SH3RF3: variants seen among roughly 807,000 people sequenced by gnomAD.
SH3RF3 encodes E3 ubiquitin-protein ligase SH3RF3.
SH3RF3 carries 29 observed loss-of-function variants against 66.3 expected under a neutral mutation model. The observed-to-expected ratio is 0.44, with a 90% CI of 0.33 to 0.60. The LOEUF is 0.60. Ranked by LOEUF, SH3RF3 falls within the 20% of genes least tolerant of loss-of-function variation. The probability of loss-of-function intolerance (pLI) is 0.04; values close to 1 mark genes in which losing one functional copy is unlikely to be tolerated. For missense variants in SH3RF3, 1,194 were observed against 1,190.9 expected, an observed-to-expected ratio of 1.00 and a Z score of -0.04; for synonymous variants, 583 against 532.0, an observed-to-expected ratio of 1.10 and a Z score of -1.32.
chr2:109,449,559 T>C, intron 8 of SH3RF3, 70 bp downstream of exon 8: 2 of 1,532,316 alleles, frequency 1.3e-6, no homozygotes, highest in Non-Finnish European at 1.8e-6. Flanking sequence ...TGGCACTAGA[T>C]GGCAGTGGCA....
At chr2:109,274,462 A>G (rs1350850021) in intron 1 of SH3RF3, among the ~76,000 whole-genome samples, 1 of 152,238 alleles carries the variant, frequency 6.6e-6, no homozygotes, top group Non-Finnish European at 1.5e-5. Context: ...ATCAAAGGAA[A>G]TGAAATTGTC....
At chr2:109,232,026 C>T (rs1035032979) in intron 1 of SH3RF3, among the ~76,000 whole-genome samples, 11 of 152,128 alleles carry the variant, frequency 7.2e-5, no homozygotes, top group Admixed American at 4.6e-4. Context: ...TTTATTTATC[C>T]GTTCATTAGA....
At chr2:109,413,842 C>T (rs11691186) in intron 4 of SH3RF3, among the ~76,000 whole-genome samples, 74,229 of 152,132 alleles carry the variant, frequency 0.49, 18,415 homozygotes, top group Middle Eastern at 0.56. Context: ...AGGGCTTTCC[C>T]TGCAGGGAGC....
At chr2:109,376,370 C>T (rs1439362433) in intron 3 of SH3RF3, among the ~76,000 whole-genome samples, 1 of 152,140 alleles carries the variant, frequency 6.6e-6, no homozygotes, top group Non-Finnish European at 1.5e-5. Flanking sequence ...GGAATCAGCT[C>T]GGGTTGGAGA....
intron 7 of SH3RF3, among the ~76,000 whole-genome samples, chr2:109,445,563 G>A (rs1350687303): frequency 6.6e-6 from 1 of 152,162 alleles, no homozygotes; most frequent in Non-Finnish European, 1.5e-5. Context: ...AGAGGACAAG[G>A]TATAGAAGGA....
At position 109,504,239 on chromosome 2, in the gene SH3RF3, C is replaced by T. The variant is rs1198469610; in HGVS notation, c.*2568C>T. 1.3e-5 allele frequency: 2 copies of T among 152,226 alleles called. No individual in the cohort carries two copies. Among genetic ancestry groups the T allele is most frequent in the African/African-American group, 4.8e-5 (2 of 41,432 alleles). 9.4% of individuals were successfully genotyped at this position (152,226 alleles called of 1,614,324 possible). The stretch of plus-strand genomic sequence containing the variant: ...TGTTTCATCCTGGCCCCATGATGTA[C>T]ACATCTTAGCCATGTAGTGGCCTTG... On this transcript the variant is annotated 3_prime_UTR_variant, in exon 10 of 10. Coordinates refer to ENST00000309415, the MANE Select transcript of SH3RF3 (RefSeq NM_001099289.3).
intron 1 of SH3RF3, among the ~76,000 whole-genome samples, chr2:109,287,744 C>T (rs936661558): frequency 6.6e-6 from 1 of 152,204 alleles, no homozygotes; most frequent in Non-Finnish European, 1.5e-5. Flanking sequence ...TCTCTGTGGC[C>T]TCTGCAGAGC....
chr2:109,216,823 A>G (rs1679110991), intron 1 of SH3RF3, among the ~76,000 whole-genome samples: 1 of 152,232 alleles, frequency 6.6e-6, no homozygotes, highest in Non-Finnish European at 1.5e-5. Context: ...AGCCATTTGT[A>G]AGCAAACAGT....
At chr2:109,158,827 C>T (rs1307611555) in intron 1 of SH3RF3, among the ~76,000 whole-genome samples, 2 of 152,204 alleles carry the variant, frequency 1.3e-5, no homozygotes, top group Non-Finnish European at 2.9e-5. Flanking sequence ...GGTCTACATG[C>T]TTTATGTGTA....
chr2:109,403,862 G>A (rs1022398566), intron 4 of SH3RF3, among the ~76,000 whole-genome samples: 2 of 152,238 alleles, frequency 1.3e-5, no homozygotes, highest in Non-Finnish European at 2.9e-5. Context: ...CCTGTCTGTG[G>A]AATGGAGCCA....
intron 1 of SH3RF3, among the ~76,000 whole-genome samples, chr2:109,152,000 C>T (rs1002338650): frequency 2.0e-5 from 3 of 152,084 alleles, no homozygotes; most frequent in Non-Finnish European, 4.4e-5. Context: ...TTTTTCATAC[C>T]CAGCTGATTA....
chr2:109,386,440 G>T (rs1480539965), intron 3 of SH3RF3, among the ~76,000 whole-genome samples: 1 of 152,156 alleles, frequency 6.6e-6, no homozygotes, highest in Non-Finnish European at 1.5e-5. Flanking sequence ...AAAACACTGT[G>T]GCTGCTTGTG....
At chr2:109,292,149 T>C (rs1249117296) in intron 1 of SH3RF3, among the ~76,000 whole-genome samples, 1 of 152,234 alleles carries the variant, frequency 6.6e-6, no homozygotes, top group East Asian at 1.9e-4. Context: ...AGGCGTGAGC[T>C]ACCGTGCCTG....
chr2:109,347,141 T>A (rs944352554), intron 1 of SH3RF3, among the ~76,000 whole-genome samples: 2 of 152,142 alleles, frequency 1.3e-5, no homozygotes, highest in Non-Finnish European at 2.9e-5. Flanking sequence ...ATTCAGTAGA[T>A]GAAGTAAAGA....
intron 8 of SH3RF3, among the ~76,000 whole-genome samples, chr2:109,483,203 G>A (rs367857436): frequency 1.1e-3 from 173 of 152,132 alleles, no homozygotes; most frequent in South Asian, 4.2e-3. Flanking sequence ...CCCCATCTCC[G>A]ACAGGAAAAT....
intron 2 of SH3RF3, among the ~76,000 whole-genome samples, chr2:109,350,919 G>A (rs1429048774): frequency 6.6e-6 from 1 of 152,252 alleles, no homozygotes; most frequent in Non-Finnish European, 1.5e-5. Flanking sequence ...CCTTTATACA[G>A]CATCACTGTG....
chr2:109,339,330 A>G (rs939042976), intron 1 of SH3RF3, among the ~76,000 whole-genome samples: 70 of 152,268 alleles, frequency 4.6e-4, no homozygotes, highest in African/African-American at 1.5e-3. Flanking sequence ...ATGTATATAT[A>G]GTAAGATGAT....
chr2:109,249,118 C>T (rs528935825), intron 1 of SH3RF3, among the ~76,000 whole-genome samples: 291 of 152,288 alleles, frequency 1.9e-3, no homozygotes, highest in Non-Finnish European at 2.8e-3. Context: ...TGGCTTCAAG[C>T]AATTTCCCTG....
chr2:109,237,385 A>T (rs974281371), intron 1 of SH3RF3, among the ~76,000 whole-genome samples: 16 of 152,342 alleles, frequency 1.1e-4, no homozygotes, highest in African/African-American at 3.8e-4. Flanking sequence ...AGTAACAAAG[A>T]GTATAAAAAA....
Sources: gnomAD v4.1 joint callset for allele counts (sites outside exome capture counted in the v4.1 genomes callset) on GRCh38, gnomAD v4.1.1 for gene constraint, MANE v1.5 for transcripts, NCBI Gene and HGNC (gene_info 2026-07-23, HGNC 2026-07-21) for gene names.